The following MGMT variants were observed in gnomAD, a reference collection of about 807,000 sequenced individuals.
MGMT encodes the protein O-6-methylguanine-DNA methyltransferase.
A neutral mutation model predicts 15.9 loss-of-function variants in MGMT; 14 were observed. The observed-to-expected ratio is 0.88, with a 90% CI of 0.58 to 1.37. The LOEUF is 1.37. MGMT is among the 40% of genes most tolerant of loss of function. The probability of loss-of-function intolerance (pLI) is 0.00; values close to 1 mark genes in which losing one functional copy is unlikely to be tolerated. For synonymous variants in MGMT, 130 were observed against 118.2 expected, an observed-to-expected ratio of 1.10 and a Z score of -0.65; for missense variants, 282 against 268.1, an observed-to-expected ratio of 1.05 and a Z score of -0.36.
chr10:129,512,936 A>G (rs1845700293), intron 1 of MGMT, among the ~76,000 whole-genome samples: 1 of 152,138 alleles, frequency 6.6e-6, no homozygotes, highest in African/African-American at 2.4e-5. Flanking sequence ...GGTCTTGAGT[A>G]GATATTTGTA....
intron 2 of MGMT, among the ~76,000 whole-genome samples, chr10:129,588,455 G>A (rs1436462934): frequency 1.3e-5 from 2 of 152,186 alleles, no homozygotes; most frequent in South Asian, 4.1e-4. Context: ...TTTATTATAT[G>A]TGGAAGTCTT....
intron 1 of MGMT, among the ~76,000 whole-genome samples, chr10:129,486,542 C>G (rs1564831711): frequency 6.6e-6 from 1 of 152,076 alleles, no homozygotes; most frequent in African/African-American, 2.4e-5. Context: ...CTCAGTCTTT[C>G]CCTGTACTGT....
intron 2 of MGMT, among the ~76,000 whole-genome samples, chr10:129,668,923 C>T (rs1466002459): frequency 6.6e-6 from 1 of 151,984 alleles, no homozygotes; most frequent in Non-Finnish European, 1.5e-5. Context: ...TTGAGGTTGT[C>T]TTAATCTTTC....
At chr10:129,607,382 C>T (rs920861920) in intron 2 of MGMT, among the ~76,000 whole-genome samples, 3 of 152,128 alleles carry the variant, frequency 2.0e-5, no homozygotes, top group African/African-American at 7.2e-5. Context: ...GAAGTATGTT[C>T]CTGATCTTAA....
chr10:129,759,964 C>T (rs1848853416), intron 4 of MGMT, among the ~76,000 whole-genome samples: 1 of 152,212 alleles, frequency 6.6e-6, no homozygotes, highest in Non-Finnish European at 1.5e-5. Flanking sequence ...CTCCCCAGAG[C>T]CCTTCTGTGT....
chr10:129,651,341 G>C (rs1452935877), intron 2 of MGMT, among the ~76,000 whole-genome samples: 1 of 151,944 alleles, frequency 6.6e-6, no homozygotes, highest in Non-Finnish European at 1.5e-5. Context: ...TGACTAATAA[G>C]CTAAAGAAAG....
At chr10:129,765,234 G>T (rs1848919971) in intron 4 of MGMT, among the ~76,000 whole-genome samples, 1 of 152,102 alleles carries the variant, frequency 6.6e-6, no homozygotes, top group East Asian at 1.9e-4. Context: ...GAAGGCTGTT[G>T]CCTGGGAGGC....
intron 3 of MGMT, among the ~76,000 whole-genome samples, chr10:129,738,106 T>C (rs1303037819): frequency 1.3e-5 from 2 of 152,346 alleles, no homozygotes; most frequent in African/African-American, 4.8e-5. Context: ...CCGGCTGCGT[T>C]GTTAACCTAA....
chr10:129,746,659 T>G (rs1848699458), intron 3 of MGMT, among the ~76,000 whole-genome samples: 1 of 152,176 alleles, frequency 6.6e-6, no homozygotes. Context: ...CTCTCTTCTA[T>G]TCTGTTAACT....
intron 4 of MGMT, among the ~76,000 whole-genome samples, chr10:129,765,954 C>T (rs552018587): frequency 6.6e-5 from 10 of 152,300 alleles, no homozygotes; most frequent in East Asian, 5.8e-4. Flanking sequence ...CTACACAGCT[C>T]GGGCAACGCC....
At chr10:129,519,106 T>C (rs1845776289) in intron 1 of MGMT, among the ~76,000 whole-genome samples, 1 of 152,194 alleles carries the variant, frequency 6.6e-6, no homozygotes, top group African/African-American at 2.4e-5. Context: ...AATTATGTTT[T>C]ATCTGTCATA....
intron 2 of MGMT, among the ~76,000 whole-genome samples, chr10:129,585,174 C>T (rs1564860169): frequency 6.6e-6 from 1 of 152,036 alleles, no homozygotes; most frequent in Admixed American, 6.6e-5. Context: ...TCCTAAAGGG[C>T]GAGAAAGATA....
At chr10:129,524,306 T>G (rs903512593) in intron 1 of MGMT, among the ~76,000 whole-genome samples, 2 of 152,204 alleles carry the variant, frequency 1.3e-5, no homozygotes, top group Admixed American at 6.5e-5. Context: ...ATTTTTCATT[T>G]TATCTGTATT....
chr10:129,730,984 C>G (rs1848489453), intron 3 of MGMT, among the ~76,000 whole-genome samples: 1 of 152,284 alleles, frequency 6.6e-6, no homozygotes, highest in Non-Finnish European at 1.5e-5. Context: ...TATAAATACG[C>G]CTCTGGGGGA....
intron 2 of MGMT, among the ~76,000 whole-genome samples, chr10:129,648,306 A>G (rs991463444): frequency 6.6e-6 from 1 of 152,232 alleles, no homozygotes; most frequent in African/African-American, 2.4e-5. Flanking sequence ...CCTGTGTAAA[A>G]TCATGCATAA....
chr10:129,701,667 C>T (rs1418304908), intron 2 of MGMT: 1 of 152,214 alleles, frequency 6.6e-6, no homozygotes, highest in Non-Finnish European at 1.5e-5. Context: ...CTCACTCTTC[C>T]TGCTTGCTGC....
intron 2 of MGMT, among the ~76,000 whole-genome samples, chr10:129,649,695 A>G (rs1434632010): frequency 6.6e-6 from 1 of 152,202 alleles, no homozygotes; most frequent in African/African-American, 2.4e-5. Context: ...ATAAATCTGG[A>G]AGATGTAAAT....
At chr10:129,582,565 A>G (rs1054983618) in intron 2 of MGMT, among the ~76,000 whole-genome samples, 12 of 152,156 alleles carry the variant, frequency 7.9e-5, no homozygotes, top group East Asian at 3.8e-4. Context: ...TTTCTAAAGT[A>G]TAAAGTCTGG....
chr10:129,502,404 C>G (rs944699723), intron 1 of MGMT, among the ~76,000 whole-genome samples: 1 of 152,136 alleles, frequency 6.6e-6, no homozygotes, highest in African/African-American at 2.4e-5. Flanking sequence ...TCCTACCCAG[C>G]TAGACCTTTT....
Sources: gnomAD v4.1 joint callset for allele counts (sites outside exome capture counted in the v4.1 genomes callset) on GRCh38, gnomAD v4.1.1 for gene constraint, MANE v1.5 for transcripts, NCBI Gene and HGNC (gene_info 2026-07-23, HGNC 2026-07-21) for gene names.